The following PDE4D variants were observed in gnomAD, a reference collection of about 807,000 sequenced individuals.
PDE4D encodes phosphodiesterase 4D.
A neutral mutation model predicts 87.4 loss-of-function variants in PDE4D; 24 were observed. The ratio of observed to expected loss-of-function variants is 0.27; its 90% CI spans 0.20 to 0.39. PDE4D has a LOEUF of 0.39. Ranked by LOEUF, PDE4D falls within the 10% of genes least tolerant of loss-of-function variation. PDE4D has a pLI of 1.00. For synonymous variants in PDE4D, 384 were observed against 383.2 expected, an observed-to-expected ratio of 1.00 and a Z score of -0.02; for missense variants, 714 against 1,041.0, an observed-to-expected ratio of 0.69 and a Z score of 4.32.
chr5:59,200,142 T>TACATGCATGTAGACATACATGTATGC (rs1268529710), intron 2 of PDE4D, among the ~76,000 whole-genome samples: 27 of 41,938 alleles, frequency 6.4e-4, no homozygotes, highest in Non-Finnish European at 1.8e-3. Flanking sequence ...TACATGTATG[T>TACATGCATGTAGACATACATGTATGC]ACACGTATAT....
intron 1 of PDE4D, among the ~76,000 whole-genome samples, chr5:59,776,984 G>C (rs76012875): frequency 0.064 from 9,756 of 152,176 alleles, 937 homozygotes; most frequent in African/African-American, 0.21. Context: ...TGTGAATGTA[G>C]ACTCGCCTGG....
chr5:59,654,614 C>T (rs937161379), intron 1 of PDE4D, among the ~76,000 whole-genome samples: 3 of 152,178 alleles, frequency 2.0e-5, no homozygotes, highest in Non-Finnish European at 4.4e-5. Flanking sequence ...ACCACACAAT[C>T]TGCCTGTTTA....
chr5:60,452,411 G>A (rs1746164977), intron 1 of PDE4D, among the ~76,000 whole-genome samples: 1 of 152,028 alleles, frequency 6.6e-6, no homozygotes, highest in South Asian at 2.1e-4. Flanking sequence ...AGGATATTAT[G>A]AGCACATTAT....
intron 1 of PDE4D, among the ~76,000 whole-genome samples, chr5:59,764,966 T>G (rs746705742): frequency 3.2e-4 from 48 of 152,132 alleles, no homozygotes; most frequent in Non-Finnish European, 6.0e-4. Context: ...CCAAGAGAAG[T>G]CTTTTTTAAG....
At chr5:59,897,437 G>A (rs1419177401), upstream of PDE4D, among the ~76,000 whole-genome samples, 3 of 152,072 alleles carry the variant, frequency 2.0e-5, no homozygotes, top group Non-Finnish European at 4.4e-5. Context: ...TTGGCAATGG[G>A]AGGAGGATTT....
intron 1 of PDE4D, among the ~76,000 whole-genome samples, chr5:59,755,498 A>G (rs1761089959): frequency 6.6e-6 from 1 of 152,174 alleles, no homozygotes; most frequent in South Asian, 2.1e-4. Flanking sequence ...AGAATGATCA[A>G]TGTGTTAGTG....
intron 1 of PDE4D, among the ~76,000 whole-genome samples, chr5:59,619,219 G>A (rs1262490369): frequency 6.6e-6 from 1 of 152,052 alleles, no homozygotes; most frequent in South Asian, 2.1e-4. Context: ...TGAAATATGG[G>A]GGAGGAGAAA....
At chr5:60,107,061 A>G (rs2149346897) in intron 2 of PDE4D, among the ~76,000 whole-genome samples, 1 of 152,326 alleles carries the variant, frequency 6.6e-6, no homozygotes, top group African/African-American at 2.4e-5. Flanking sequence ...AAATTAATGA[A>G]TCCAGGAGCT....
chr5:60,001,532 TAAC>T (rs138452763), intron 2 of PDE4D, among the ~76,000 whole-genome samples: 63 of 152,118 alleles, frequency 4.1e-4, no homozygotes, highest in African/African-American at 1.5e-3. Context: ...AGCTGCTAAA[TAAC>T]AACATAAATA....
At chr5:59,222,728 C>T (rs930105645) in intron 1 of PDE4D, among the ~76,000 whole-genome samples, 1 of 152,170 alleles carries the variant, frequency 6.6e-6, no homozygotes, top group African/African-American at 2.4e-5. Context: ...TTAGAAAACA[C>T]AGGTTAAATT....
intron 1 of PDE4D, among the ~76,000 whole-genome samples, chr5:59,800,452 CTT>C (rs1239696593): frequency 1.3e-5 from 2 of 152,134 alleles, no homozygotes; most frequent in African/African-American, 4.8e-5. Context: ...ACCCTTAAAA[CTT>C]AGATGGGCTT....
At chr5:60,198,702 A>C (rs542569827) in intron 1 of PDE4D, among the ~76,000 whole-genome samples, 2 of 151,802 alleles carry the variant, frequency 1.3e-5, no homozygotes, top group Admixed American at 6.6e-5. Flanking sequence ...AGCTCTAAGA[A>C]TCAAGGTAAA....
At chr5:59,388,691 C>G (rs1787612817) in intron 1 of PDE4D, among the ~76,000 whole-genome samples, 1 of 138,628 alleles carries the variant, frequency 7.2e-6, no homozygotes, top group Non-Finnish European at 1.6e-5. Flanking sequence ...AGAAGGAAAT[C>G]CATAATAACA....
At chr5:60,402,784 G>A (rs1243085132) in intron 1 of PDE4D, among the ~76,000 whole-genome samples, 1 of 152,212 alleles carries the variant, frequency 6.6e-6, no homozygotes, top group Non-Finnish European at 1.5e-5. Context: ...TAACAAAGCT[G>A]TGAAACAGTC....
At chr5:59,980,245 A>T (rs1761778487) in intron 3 of PDE4D, among the ~76,000 whole-genome samples, 1 of 152,248 alleles carries the variant, frequency 6.6e-6, no homozygotes, top group African/African-American at 2.4e-5. Context: ...CAGCCAGGGC[A>T]GTGTTTGTTG....
chr5:60,051,137 CAG>C (rs1372474883), intron 2 of PDE4D, among the ~76,000 whole-genome samples: 1 of 152,244 alleles, frequency 6.6e-6, no homozygotes, highest in East Asian at 1.9e-4. Flanking sequence ...ATCATTGAGA[CAG>C]AAAATTAACA....
chr5:59,825,288 A>G (rs1770189222), intron 1 of PDE4D, among the ~76,000 whole-genome samples: 1 of 152,190 alleles, frequency 6.6e-6, no homozygotes, highest in South Asian at 2.1e-4. Context: ...GGTTAGCATC[A>G]GGTCTGAGCT....
chr5:60,396,977 T>C (rs369060842), intron 1 of PDE4D, among the ~76,000 whole-genome samples: 2 of 152,210 alleles, frequency 1.3e-5, no homozygotes, highest in African/African-American at 4.8e-5. Flanking sequence ...TTTTCCGGCC[T>C]CACAAAAGAA....
chr5:59,122,635 G>T (rs541824696), intron 5 of PDE4D, among the ~76,000 whole-genome samples: 37 of 152,268 alleles, frequency 2.4e-4, no homozygotes, highest in African/African-American at 8.2e-4. Context: ...AACATCACAT[G>T]AACCCCATAA....
Sources: allele counts gnomAD v4.1 joint callset (sites outside exome capture counted in the v4.1 genomes callset), GRCh38; gene constraint gnomAD v4.1.1; transcripts MANE v1.5; gene names NCBI Gene and HGNC (gene_info 2026-07-23, HGNC 2026-07-21).